SCN8A: variants seen among roughly 807,000 people sequenced by gnomAD.
The protein encoded by SCN8A is sodium voltage-gated channel alpha subunit 8, also known as sodium channel protein type 8 subunit alpha.
Under a neutral mutation model 184.1 loss-of-function variants are expected in SCN8A, and 30 were observed. That is an observed-to-expected ratio of 0.16 (90% CI 0.12 to 0.22). The LOEUF is 0.22. SCN8A is among the 10% of genes least tolerant of loss of function. The probability of loss-of-function intolerance (pLI) is 1.00; values close to 1 mark genes in which losing one functional copy is unlikely to be tolerated. For synonymous variants in SCN8A, 852 were observed against 907.0 expected (o/e 0.94, Z 1.09); for missense variants, 1,057 against 2,498.9 (o/e 0.42, Z 12.30).
chr12:51,679,377 C>G (rs1184570877), intron 2 of SCN8A, among the ~76,000 whole-genome samples: 1 of 152,064 alleles, frequency 6.6e-6, no homozygotes, highest in Admixed American at 6.5e-5. Flanking sequence ...TTTGTATGGC[C>G]CACAAGCTAA....
At chr12:51,742,918 C>T (rs1942451299) in intron 12 of SCN8A, among the ~76,000 whole-genome samples, 1 of 152,060 alleles carries the variant, frequency 6.6e-6, no homozygotes, top group Non-Finnish European at 1.5e-5. Flanking sequence ...CTTTTGTCTC[C>T]TCTGAGTATT....
intron 2 of SCN8A, among the ~76,000 whole-genome samples, chr12:51,681,701 A>G (rs2138703929): frequency 6.6e-6 from 1 of 152,354 alleles, no homozygotes; most frequent in East Asian, 1.9e-4. Flanking sequence ...ACAATGTCAA[A>G]CACTAGGGAT....
At chr12:51,804,283 G>A (rs1359162039) in intron 26 of SCN8A, among the ~76,000 whole-genome samples, 2 of 151,906 alleles carry the variant, frequency 1.3e-5, no homozygotes, top group African/African-American at 4.8e-5. Context: ...TAATGCCTTG[G>A]CATCTTTACC....
intron 1 of SCN8A, among the ~76,000 whole-genome samples, chr12:51,644,397 G>A (rs909685801): frequency 1.3e-5 from 2 of 152,208 alleles, no homozygotes; most frequent in African/African-American, 2.4e-5. Context: ...AACTACCTCA[G>A]AGGGTTGTTG....
intron 1 of SCN8A, among the ~76,000 whole-genome samples, chr12:51,595,080 A>G (rs1939315564): frequency 6.6e-6 from 1 of 152,202 alleles, no homozygotes; most frequent in East Asian, 1.9e-4. Flanking sequence ...TTCTTAATCA[A>G]TGAATCAACA....
At chr12:51,633,555 CT>C (rs752133918) in intron 1 of SCN8A, among the ~76,000 whole-genome samples, 4 of 152,196 alleles carry the variant, frequency 2.6e-5, no homozygotes, top group Non-Finnish European at 5.9e-5. Context: ...CCTTGGTGCT[CT>C]GTCTTTCCTG....
At chr12:51,762,726 C>T (rs1008275843) in intron 15 of SCN8A, 50 bp downstream of exon 15, 2 of 1,445,294 alleles carry the variant, frequency 1.4e-6, no homozygotes, top group Non-Finnish European at 9.3e-7. Context: ...CTTGCAGCTA[C>T]TAGAAAGAGT....
chr12:51,774,843 C>G (rs1937638523), intron 20 of SCN8A, among the ~76,000 whole-genome samples: 1 of 152,288 alleles, frequency 6.6e-6, no homozygotes, highest in African/African-American at 2.4e-5. Flanking sequence ...ATACCGGACT[C>G]ATCCAAACAA....
intron 1 of SCN8A, among the ~76,000 whole-genome samples, chr12:51,653,424 C>A (rs1351412668): frequency 6.6e-6 from 1 of 152,138 alleles, no homozygotes; most frequent in Middle Eastern, 3.2e-3. Context: ...TGGAATCATA[C>A]AATATTTGTC....
chr12:51,804,233 C>T (rs747296239), intron 26 of SCN8A, among the ~76,000 whole-genome samples: 3 of 152,332 alleles, frequency 2.0e-5, no homozygotes, highest in African/African-American at 4.8e-5. Context: ...TAGAAAAAGG[C>T]GCTCCGATTT....
In SCN8A at chr12:51,686,362, C is replaced by T. The variant is rs1592379052; in HGVS notation, c.396-6C>T. On this transcript the variant is annotated splice_region_variant and splice_polypyrimidine_tract_variant and intron_variant, in intron 3 of 26. Transcript: ENST00000627620. ...ATTTTAATATTGCCCCTTGACTCTT[C>T]TCTACAGTATTTAGCATGATCATTA... is the stretch of plus-strand genomic sequence containing the variant. 8.2e-6 allele frequency: 13 copies of T among 1,593,146 alleles called. No homozygotes were observed. Among genetic ancestry groups the T allele is most frequent in the Non-Finnish European group, 1.1e-5 (13 of 1,162,396 alleles).
At position 51,702,974 on chromosome 12, in the gene SCN8A, G is replaced by A. The variant is rs1941717293; in HGVS notation, c.1134+60G>A. 3 of 1,463,026 alleles carry A rather than the reference G, an allele frequency of 2.1e-6. No homozygotes were observed. The Admixed American group carries it at 6.5e-5, about 32-fold the overall frequency. 90.6% of individuals were successfully genotyped at this position (1,463,026 alleles called of 1,614,324 possible). On this transcript the variant is annotated intron_variant, in intron 9 of 26. Coordinates refer to ENST00000627620, the MANE Select transcript of SCN8A (RefSeq NM_001330260.2). ...TTGCATGAGCTTATATGGGGTTGGGGACCTTCTGTGTGAGAGACATTTAGT... is the reference window on the plus strand; with the variant it reads ...TTGCATGAGCTTATATGGGGTTGGGAACCTTCTGTGTGAGAGACATTTAGT...
At chr12:51,633,393 A>G (rs1046338014) in intron 1 of SCN8A, among the ~76,000 whole-genome samples, 1 of 152,228 alleles carries the variant, frequency 6.6e-6, no homozygotes, top group African/African-American at 2.4e-5. Context: ...GATGGCCAAT[A>G]AAAAATGTCA....
chr12:51,704,247 T>C (rs187617217), intron 9 of SCN8A, among the ~76,000 whole-genome samples: 1 of 152,220 alleles, frequency 6.6e-6, no homozygotes, highest in East Asian at 1.9e-4. Flanking sequence ...GTGGGTTGCA[T>C]GCACATAACC....
chr12:51,756,181 G>A (rs887558263), intron 14 of SCN8A, among the ~76,000 whole-genome samples: 1 of 151,986 alleles, frequency 6.6e-6, no homozygotes, highest in East Asian at 1.9e-4. Context: ...CCCTCACCAG[G>A]CCACCCCTCG....
rs756447486 is a variant in SCN8A, at chr12:51,663,105, G to A, written c.276+12G>A. The A allele has an allele frequency of 3.1e-6, 5 of 1,612,402 alleles. No individual in the cohort carries two copies. The South Asian group carries it at 5.5e-5, about 18-fold the overall frequency. Reference sequence around the variant, plus strand: ...ATTTGACGCAGAAAGTGAGTTGGAGGAGGAGGAGCAGCTGCAGATACCTGT... The same window carrying A: ...ATTTGACGCAGAAAGTGAGTTGGAGAAGGAGGAGCAGCTGCAGATACCTGT... On this transcript the variant is annotated intron_variant, in intron 2 of 26. Coordinates refer to ENST00000627620, the MANE Select transcript of SCN8A (RefSeq NM_001330260.2).
chr12:51,777,711 T>C (rs1161028363), intron 20 of SCN8A, among the ~76,000 whole-genome samples: 1 of 152,156 alleles, frequency 6.6e-6, no homozygotes, highest in African/African-American at 2.4e-5. Context: ...ACCTCCTCCT[T>C]CATTCTCCAC....
intron 9 of SCN8A, among the ~76,000 whole-genome samples, chr12:51,705,072 A>G (rs1941760198): frequency 6.6e-6 from 1 of 152,214 alleles, no homozygotes; most frequent in African/African-American, 2.4e-5. Flanking sequence ...GAGGATCTGT[A>G]GATAAATAAA....
chr12:51,649,499 C>T (rs1440634715), intron 1 of SCN8A, among the ~76,000 whole-genome samples: 1 of 152,228 alleles, frequency 6.6e-6, no homozygotes, highest in East Asian at 1.9e-4. Context: ...CTTACATCTT[C>T]TTAAATCTAG....
Sources: gnomAD v4.1 joint callset for allele counts (sites outside exome capture counted in the v4.1 genomes callset) on GRCh38, gnomAD v4.1.1 for gene constraint, MANE v1.5 for transcripts, NCBI Gene and HGNC (gene_info 2026-07-23, HGNC 2026-07-21) for gene names.